Variants in DEF8 observed in about 807,000 individuals in gnomAD.
DEF8 encodes differentially expressed in FDCP 8 homolog.
In DEF8, 38 loss-of-function variants were observed where a neutral mutation model predicts 59.1. The ratio of observed to expected loss-of-function variants is 0.64; its 90% CI spans 0.50 to 0.84. The LOEUF (loss-of-function observed/expected upper bound fraction) is 0.84. DEF8 is among the 40% of genes least tolerant of loss of function. The pLI is 0.00. For missense variants in DEF8, 557 were observed against 615.2 expected, an observed-to-expected ratio of 0.91 and a Z score of 1.00; for synonymous variants, 265 against 250.1, an observed-to-expected ratio of 1.06 and a Z score of -0.56.
rs758227467 is a variant in DEF8 at position 89,959,130 on chromosome 16, C to T, written c.489C>T (p.Leu163=). The change falls in exon 6 of 13, where the codon CTC becomes CTT. Residue 163 remains leucine (L), a synonymous_variant. Transcript: ENST00000563594. ...CDKCNTIIWG[L]IQTWYTCTGC... is the part of the protein sequence containing the mutation. ...AGTGTAACACCATCATCTGGGGGCT[C>T]ATTCAGACCTGGTACACCTGCACAG... The T allele has an allele frequency of 3.7e-6, 6 of 1,613,826 alleles. No individual in the cohort carries two copies. The highest frequency in any genetic ancestry group is 5.1e-6 in the Non-Finnish European group (6 of 1,180,040).
At chr16:89,960,526 A>G (rs114694044) in intron 6 of DEF8, among the ~76,000 whole-genome samples, 38 of 152,164 alleles carry the variant, frequency 2.5e-4, no homozygotes, top group African/African-American at 8.9e-4. Context: ...GTACAAAAAC[A>G]ACAACAACAA....
chr16:89,957,492 C>T lies in DEF8; in HGVS notation c.223-19C>T. 6.4e-7 allele frequency: 1 copy of T among 1,566,852 alleles called. No individual in the cohort carries two copies. Among genetic ancestry groups the T allele is most frequent in the Non-Finnish European group, 8.7e-7 (1 of 1,155,998 alleles). On this transcript the variant is annotated intron_variant, in intron 4 of 12. Transcript: ENST00000563594. ...CTGCAGGATGGGCCTTTGACTGCCCCCGCCCCCAACCTGGGCAGGGTCTGT... is the reference window on the plus strand; with the variant it reads ...CTGCAGGATGGGCCTTTGACTGCCCTCGCCCCCAACCTGGGCAGGGTCTGT...
Position 89,949,430 on chromosome 16 carries a change from C to T in DEF8, c.-94C>T. The T allele has an allele frequency of 6.2e-7, 1 of 1,607,086 alleles. No homozygotes were observed. Among genetic ancestry groups the T allele is most frequent in the Non-Finnish European group, 8.5e-7 (1 of 1,178,472 alleles). On this transcript the variant is annotated 5_prime_UTR_variant, in exon 2 of 13. Coordinates refer to ENST00000563594, the MANE Select transcript of DEF8 (RefSeq NM_001242818.2). ...TTCTCCCTGCAGCAGGTGCCGAACCCACGGCCAGGCTTCCGTGGCCAGCAG... is the reference window on the plus strand; with the variant it reads ...TTCTCCCTGCAGCAGGTGCCGAACCTACGGCCAGGCTTCCGTGGCCAGCAG...
chr16:89,959,194 G>T, intron 6 of DEF8, 39 bp downstream of exon 6: 1 of 1,613,278 alleles, frequency 6.2e-7, no homozygotes, highest in South Asian at 1.1e-5. Context: ...GAATGAGAGA[G>T]ACCAAAGTTC....
Position 89,958,952 on chromosome 16 carries a change from C to T in DEF8, c.373-62C>T, listed in dbSNP as rs201331177. The T allele has an allele frequency of 5.2e-4, 829 of 1,586,180 alleles. 4 individuals are homozygous for T. In the Middle Eastern group the frequency reaches 6.9e-3, roughly 13 times the overall value. On this transcript the variant is annotated intron_variant, in intron 5 of 12. Transcript: ENST00000563594. ...GAAGAAATAAGTTGAGGGGCTTGTG[C>T]GAAGGGAAAGGAACTTCAGCCCAGC...
chr16:89,955,149 C>T lies in DEF8; in HGVS notation c.125-20C>T, dbSNP rs1466976720. The T allele has an allele frequency of 6.2e-7, 1 of 1,600,218 alleles. No individual in the cohort carries two copies. Among genetic ancestry groups the T allele is most frequent in the African/African-American group, 1.3e-5 (1 of 74,784 alleles). ...GGAGGTAGCAGCTGACGCTCCACAC[C>T]TGTCCCCGTCTTCCTCCAGAGGCCC... On this transcript the variant is annotated intron_variant, in intron 3 of 12. Transcript: ENST00000563594.
At chr16:89,962,245 C>T (rs572128493) in intron 9 of DEF8, 120 bp downstream of exon 9, 4 of 886,448 alleles carry the variant, frequency 4.5e-6, no homozygotes, top group South Asian at 3.0e-5. Context: ...AGGGAGGCCA[C>T]CTGCTTAGGG....
Position 89,961,070 on chromosome 16 carries a change from C to T in DEF8, c.654C>T (p.Ala218=), listed in dbSNP as rs201770677. 2.5e-5 allele frequency: 41 copies of T among 1,613,106 alleles called. 1 individual carries two copies. The Admixed American group carries it at 2.8e-4, about 11-fold the overall frequency. The stretch of plus-strand genomic sequence containing the variant: ...TGGACAGCCAGGATTACCGCTGTGC[C>T]GAGTGCCGGGCGCCCATCTCTCTGC... The part of the protein sequence containing the change: ...TGLDSQDYRC[A]ECRAPISLRG... Residue 218 remains alanine (A), a synonymous_variant, in exon 7 of 13, where the codon GCC becomes GCT. Transcript: ENST00000563594.
chr16:89,948,951 TGGGAGGGA>T (rs2031296566), intron 1 of DEF8, 137 bp downstream of exon 1: 2 of 17,474 alleles, frequency 1.1e-4, no homozygotes, highest in Non-Finnish European at 1.7e-4. Context: ...GGGACGGGGC[TGGGAGGGA>T]CGGGGCCGGC....
chr16:89,955,008 G>C (rs1333681744), intron 3 of DEF8, among the ~76,000 whole-genome samples, 161 bp from the exon 4 acceptor site: 1 of 152,148 alleles, frequency 6.6e-6, no homozygotes, highest in Non-Finnish European at 1.5e-5. Context: ...ATGCAGACTG[G>C]ACGGTGTGCA....
At chr16:89,964,437 G>A (rs1038319903) in intron 11 of DEF8, 29 bp from the exon 12 acceptor site, 30 of 1,565,170 alleles carry the variant, frequency 1.9e-5, no homozygotes, top group African/African-American at 1.8e-4. Flanking sequence ...TGACGTGCCC[G>A]TGCCCCAACC....
In DEF8 at chr16:89,967,328, A is replaced by G. The variant is rs1340207383; in HGVS notation, c.*1365A>G. On this transcript the variant is annotated 3_prime_UTR_variant, in exon 13 of 13. Transcript: ENST00000563594. ...AAGAGGAGACACCTCAGTCAGCAGA[A>G]AGGCCACCTGGCTCACTGGCTCATT... 3 of 398,566 alleles carry G rather than the reference A, an allele frequency of 7.5e-6. No homozygotes were observed. The Admixed American group carries it at 1.3e-4, about 18-fold the overall frequency. The allele number at this position is 398,566 out of a possible 1,614,324, so 24.7% of individuals were successfully genotyped here.
At chr16:89,965,741 T>TC (rs1567811100) in intron 12 of DEF8, 120 bp from the exon 13 acceptor site, 1 of 638,330 alleles carries the variant, frequency 1.6e-6, no homozygotes, top group Non-Finnish European at 2.7e-6. Flanking sequence ...GGCTGCAGAC[T>TC]CCGACTCTGC....
At chr16:89,962,683 A>G (rs1012345327) in intron 9 of DEF8, among the ~76,000 whole-genome samples, 8 of 152,232 alleles carry the variant, frequency 5.3e-5, no homozygotes, top group African/African-American at 1.9e-4. Context: ...AAACAAGTGA[A>G]GTTAATGTTA....
chr16:89,950,434 G>T, intron 2 of DEF8: 1 of 764,678 alleles, frequency 1.3e-6, no homozygotes, highest in Non-Finnish European at 1.6e-6. Context: ...TGTTGCCTAG[G>T]CTGGAGTGCA....
At position 89,961,638 on chromosome 16, in the gene DEF8, C is replaced by A. The variant is rs1184511186; in HGVS notation, c.680-99C>A. The A allele has an allele frequency of 4.1e-6, 6 of 1,473,658 alleles. No homozygotes were observed. The African/African-American group carries it at 8.3e-5, about 20-fold the overall frequency. The allele number at this position is 1,473,658 out of a possible 1,614,324, so 91.3% of individuals were successfully genotyped here. A position where few individuals can be genotyped will look rare whatever the true frequency, so the allele number is the denominator to read the frequency against. ...AGGATAGGACATGTTCCCATGTCTC[C>A]CCGAGGGCTGTGGTCCATGGGAGGA... is the stretch of plus-strand genomic sequence containing the variant. On this transcript the variant is annotated intron_variant, in intron 7 of 12. Transcript: ENST00000563594.
chr16:89,949,103 GC>G, intron 1 of DEF8, among the ~76,000 whole-genome samples: 1 of 136,038 alleles, frequency 7.4e-6, no homozygotes, highest in Non-Finnish European at 1.6e-5. Flanking sequence ...GACGGGGCCG[GC>G]GAGGTCGGGG....
chr16:89,949,575 T>G (rs766963657), intron 2 of DEF8, 62 bp downstream of exon 2: 1 of 1,613,090 alleles, frequency 6.2e-7, no homozygotes. Context: ...GTTCTCGGGG[T>G]GGCAGCTGCA....
chr16:89,957,863 C>A, intron 5 of DEF8: 1 of 533,366 alleles, frequency 1.9e-6, no homozygotes, highest in Non-Finnish European at 3.2e-6. Context: ...TTAGCCTAGA[C>A]CCTCCTGTTG....
Sources: gnomAD v4.1 joint callset for allele counts (sites outside exome capture counted in the v4.1 genomes callset) on GRCh38, gnomAD v4.1.1 for gene constraint, MANE v1.5 for transcripts, NCBI Gene and HGNC (gene_info 2026-07-23, HGNC 2026-07-21) for gene names.